Variants in ACAT2 observed in about 807,000 individuals in gnomAD.
The protein encoded by ACAT2 is acetyl-CoA acetyltransferase, cytosolic.
A neutral mutation model predicts 37.1 loss-of-function variants in ACAT2; 26 were observed. The observed-to-expected ratio is 0.70, with a 90% CI of 0.51 to 0.97. The LOEUF (loss-of-function observed/expected upper bound fraction) is 0.97, where lower values mean the gene tolerates loss of function less well. Among genes scored for constraint, ACAT2 ranks in the 50% least tolerant of loss-of-function variants. The probability of loss-of-function intolerance (pLI) is 0.00; values close to 1 mark genes in which losing one functional copy is unlikely to be tolerated. For missense variants in ACAT2, 468 were observed against 489.0 expected (o/e 0.96, Z 0.40); for synonymous variants, 156 against 163.6 (o/e 0.95, Z 0.35).
chr6:159,764,517 C>T (rs531829517), intron 2 of ACAT2, among the ~76,000 whole-genome samples: 59 of 152,140 alleles, frequency 3.9e-4, no homozygotes, highest in African/African-American at 1.3e-3. Flanking sequence ...AATCGTAGCC[C>T]ACTATAACCT....
chr6:159,768,319 A>C (rs1314108695), intron 3 of ACAT2, among the ~76,000 whole-genome samples, 192 bp from the exon 4 acceptor site: 1 of 152,166 alleles, frequency 6.6e-6, no homozygotes, highest in Non-Finnish European at 1.5e-5. Context: ...CGTTCCCAAC[A>C]ATAGGAAAGA....
chr6:159,773,674 G>A (rs766237270), intron 4 of ACAT2, among the ~76,000 whole-genome samples: 69 of 152,322 alleles, frequency 4.5e-4, no homozygotes, highest in Non-Finnish European at 6.9e-4. Context: ...AACAATTTCA[G>A]CGTGCAAATA....
Position 159,778,959 on chromosome 6 carries a change from C to T in ACAT2, c.*130C>T. The T allele has an allele frequency of 1.3e-6, 2 of 1,558,680 alleles. No individual in the cohort carries two copies. The highest frequency in any genetic ancestry group is 1.7e-6 in the Non-Finnish European group (2 of 1,144,982). On this transcript the variant is annotated 3_prime_UTR_variant, in exon 9 of 9. Transcript: ENST00000367048. ...ACATCACAAAAACCCAAGTTTACAG[C>T]TTGTACTTTACTTTAATGTGTAATA...
chr6:159,777,613 G>A (rs1431216218), intron 7 of ACAT2, among the ~76,000 whole-genome samples, 157 bp downstream of exon 7: 1 of 152,170 alleles, frequency 6.6e-6, no homozygotes, highest in Non-Finnish European at 1.5e-5. Context: ...TGTCCAGGCT[G>A]GAGTGCAGTG....
At position 159,775,325 on chromosome 6, in the gene ACAT2, A is replaced by G. The variant is rs1417578293; in HGVS notation, c.634+12A>G. 1.9e-6 allele frequency: 3 copies of G among 1,613,258 alleles called. No homozygotes were observed. Among genetic ancestry groups the G allele is most frequent in the Non-Finnish European group, 1.7e-6 (2 of 1,179,478 alleles). On this transcript the variant is annotated intron_variant, in intron 5 of 8. Transcript: ENST00000367048. ...GTCAACTAGAAAAGGTGAGTATATC[A>G]TAGTGGTTTAAACATCAACCTATTT...
intron 2 of ACAT2, among the ~76,000 whole-genome samples, chr6:159,765,697 A>G (rs570205882): frequency 6.6e-6 from 1 of 151,690 alleles, no homozygotes; most frequent in South Asian, 2.1e-4. Context: ...CGGCCTCCCA[A>G]AGTGCTGGGA....
rs1780506078 is a variant in ACAT2, at chr6:159,779,041, C to G, written c.*212C>G. On this transcript the variant is annotated 3_prime_UTR_variant, in exon 9 of 9. Transcript: ENST00000367048. ...ACATTGTTATAAATAAAAGGAACAT[C>G]AGATCAATCATTAAGGGCTCCAGAG... 2 of 1,610,882 alleles carry G rather than the reference C, an allele frequency of 1.2e-6. No homozygotes were observed. Among genetic ancestry groups the G allele is most frequent in the Admixed American group, 1.7e-5 (1 of 59,794 alleles).
At chr6:159,766,395 A>AC (rs77560449) in intron 2 of ACAT2, among the ~76,000 whole-genome samples, 29,481 of 148,332 alleles carry the variant, frequency 0.2, 3,042 homozygotes, top group East Asian at 0.4. Flanking sequence ...TTATTTAAGC[A>AC]CCCCCCCGCA....
At chr6:159,771,582 G>A (rs1015220050) in intron 4 of ACAT2, among the ~76,000 whole-genome samples, 7 of 151,108 alleles carry the variant, frequency 4.6e-5, no homozygotes, top group African/African-American at 9.8e-5. Flanking sequence ...TTAGCAAATT[G>A]TAGCAAAAAG....
intron 7 of ACAT2, among the ~76,000 whole-genome samples, chr6:159,777,744 CTA>C (rs35408252): frequency 0.48 from 72,940 of 151,676 alleles, 18,912 homozygotes; most frequent in Non-Finnish European, 0.58. Flanking sequence ...GAGACAAGGT[CTA>C]TGTCGCCCAG....
chr6:159,772,758 G>C (rs1780356693), intron 4 of ACAT2, among the ~76,000 whole-genome samples: 1 of 151,042 alleles, frequency 6.6e-6, no homozygotes, highest in African/African-American at 2.4e-5. Flanking sequence ...GATTTTGCCT[G>C]TTAGTAGCTG....
At chr6:159,778,106 G>A in intron 7 of ACAT2, 64 bp from the exon 8 acceptor site, 1 of 1,090,084 alleles carries the variant, frequency 9.2e-7, no homozygotes, top group South Asian at 1.4e-5. Flanking sequence ...TGTTGACAAA[G>A]AATGGTTTAA....
intron 4 of ACAT2, among the ~76,000 whole-genome samples, chr6:159,774,088 G>A (rs75757546): frequency 0.023 from 3,546 of 152,256 alleles, 76 homozygotes; most frequent in Non-Finnish European, 0.034. Flanking sequence ...ACATCACCTG[G>A]GATAAACTGA....
intron 5 of ACAT2, 81 bp downstream of exon 5, chr6:159,775,394 T>C: frequency 1.4e-6 from 2 of 1,467,292 alleles, no homozygotes; most frequent in Middle Eastern, 1.8e-4. Flanking sequence ...TAGGAATCTT[T>C]AGAAATTATA....
intron 5 of ACAT2, 79 bp from the exon 6 acceptor site, chr6:159,776,071 T>A: frequency 3.4e-6 from 5 of 1,487,294 alleles, no homozygotes; most frequent in Non-Finnish European, 4.6e-6. Context: ...TCATGTTTAA[T>A]GGCAGAGAAC....
chr6:159,777,163 T>TA (rs1235566317), intron 6 of ACAT2, 139 bp from the exon 7 acceptor site: 1 of 978,966 alleles, frequency 1.0e-6, no homozygotes, highest in Admixed American at 2.5e-5. Flanking sequence ...AATTTCTATG[T>TA]AAAGTCTGTT....
At position 159,778,978 on chromosome 6, in the gene ACAT2, TG is replaced by T; in HGVS notation, c.*150del. 1.9e-6 allele frequency: 3 copies of T among 1,564,398 alleles called. No homozygotes were observed. Among genetic ancestry groups the T allele is most frequent in the Non-Finnish European group, 2.6e-6 (3 of 1,146,236 alleles). The stretch of plus-strand genomic sequence containing the variant: ...TTACAGCTTGTACTTTACTTTAATG[TG>T]TAATACTCAACTCAAGGTACAAGAC... On this transcript the variant is annotated 3_prime_UTR_variant, in exon 9 of 9. Coordinates refer to ENST00000367048, the MANE Select transcript of ACAT2 (RefSeq NM_005891.3).
chr6:159,765,682 TCCCCC>T (rs1562476009), intron 2 of ACAT2, among the ~76,000 whole-genome samples: 6 of 9,086 alleles, frequency 6.6e-4, no homozygotes, highest in South Asian at 6.3e-3. Context: ...TGCGCCCCCC[TCCCCC>T]GGCCTCCCAA....
Position 159,778,530 on chromosome 6 carries a change from AGC to A in ACAT2, c.1024-128_1024-127del, listed in dbSNP as rs1780485639. 4 of 1,048,184 alleles carry A rather than the reference AGC, an allele frequency of 3.8e-6. No individual in the cohort carries two copies. The East Asian group carries it at 1.0e-4, about 26-fold the overall frequency. The allele number at this position is 1,048,184 out of a possible 1,614,324, so 64.9% of individuals were successfully genotyped here. On this transcript the variant is annotated intron_variant, in intron 8 of 8. Transcript: ENST00000367048. ...TCACAAAGGTGTAAATTTATTCCTA[AGC>A]AGTTAAAATGAAAATTTGAGTTTGA...
Sources: allele counts gnomAD v4.1 joint callset (sites outside exome capture counted in the v4.1 genomes callset), GRCh38; gene constraint gnomAD v4.1.1; transcripts MANE v1.5; gene names NCBI Gene and HGNC (gene_info 2026-07-23, HGNC 2026-07-21).